The following TMEM50B variants were observed in gnomAD, a reference collection of about 807,000 sequenced individuals.
The protein encoded by TMEM50B is transmembrane protein 50B.
Under a neutral mutation model 23.4 loss-of-function variants are expected in TMEM50B, and 14 were observed. The observed-to-expected ratio is 0.60, with a 90% CI of 0.39 to 0.93. The LOEUF (loss-of-function observed/expected upper bound fraction) is 0.93. Ranked by LOEUF, TMEM50B falls within the 40% of genes least tolerant of loss-of-function variation. The pLI, the probability that TMEM50B is intolerant of heterozygous loss-of-function variation, is 0.00. For missense variants in TMEM50B, 159 were observed against 193.0 expected (o/e 0.82, Z 1.04); for synonymous variants, 64 against 62.3 (o/e 1.03, Z -0.13).
chr21:33,437,954 G>A (rs1270173569), intron 8 of TMEM50B, among the ~76,000 whole-genome samples: 2 of 149,704 alleles, frequency 1.3e-5, no homozygotes, highest in South Asian at 2.1e-4. Context: ...CTGCACTCCA[G>A]CGTGGGAGGC....
chr21:33,464,889 G>C (rs1373356237), intron 4 of TMEM50B: 1 of 150,910 alleles, frequency 6.6e-6, no homozygotes, highest in Non-Finnish European at 1.5e-5. Flanking sequence ...TAGACAAATA[G>C]CATCTTTCTA....
chr21:33,462,120 T>C (rs1029152577), intron 4 of TMEM50B, among the ~76,000 whole-genome samples: 3 of 152,158 alleles, frequency 2.0e-5, no homozygotes, highest in Non-Finnish European at 4.4e-5. Context: ...TCCTGTTCTT[T>C]TTTATAGTTT....
chr21:33,465,291 T>C (rs1157445707), intron 4 of TMEM50B, 51 bp downstream of exon 4: 2 of 1,416,848 alleles, frequency 1.4e-6, no homozygotes, highest in African/African-American at 1.4e-5. Flanking sequence ...TTTTTTCTGG[T>C]GACAAATTTC....
At chr21:33,445,100 A>G (rs2084041369), downstream of TMEM50B, among the ~76,000 whole-genome samples, 1 of 151,594 alleles carries the variant, frequency 6.6e-6, no homozygotes. Flanking sequence ...AAAAAAAAAA[A>G]ACCAGAAACT....
At chr21:33,477,127 C>A (rs1169163670) in intron 1 of TMEM50B, among the ~76,000 whole-genome samples, 2 of 151,936 alleles carry the variant, frequency 1.3e-5, no homozygotes, top group Non-Finnish European at 2.9e-5. Flanking sequence ...ATGAGAAACC[C>A]GTCTCTACAA....
chr21:33,472,587 A>T (rs886830070), intron 1 of TMEM50B, among the ~76,000 whole-genome samples: 1 of 152,066 alleles, frequency 6.6e-6, no homozygotes, highest in Non-Finnish European at 1.5e-5. Context: ...TGAAAAAAAT[A>T]ATAGATGGGC....
rs2083971092 is a variant in TMEM50B, at chr21:33,437,712, A to G, written c.*2120+1502T>C. On this transcript the variant is annotated intron_variant and NMD_transcript_variant, in intron 8 of 8. Transcript: ENST00000420455. The stretch of plus-strand genomic sequence containing the variant: ...TATAAAGAAGGCCAGGGCCTAGTGC[A>G]GTGGCCCACGCCTATAATCCCAGCA... 8.5e-5 allele frequency among the ~76,000 whole-genome samples: 13 copies of G among 152,318 alleles called. No homozygotes were observed. The South Asian group carries it at 2.5e-3, about 29-fold the overall frequency.
At chr21:33,458,922 G>A (rs2123431017) in intron 5 of TMEM50B, among the ~76,000 whole-genome samples, 1 of 152,256 alleles carries the variant, frequency 6.6e-6, no homozygotes, top group East Asian at 1.9e-4. Flanking sequence ...TTTGTATCAA[G>A]TGAAAGACAA....
chr21:33,432,605 C>T (rs2083899905), exon 9 of TMEM50B: 1 of 1,254,028 alleles, frequency 8.0e-7, no homozygotes, highest in African/African-American at 1.5e-5. Context: ...GGGACTTGCC[C>T]ATTTTACTAG....
chr21:33,476,348 A>G (rs907079121), intron 1 of TMEM50B, among the ~76,000 whole-genome samples: 1 of 152,136 alleles, frequency 6.6e-6, no homozygotes, highest in Non-Finnish European at 1.5e-5. Context: ...ACGCCATTGC[A>G]CTCCAGCTTG....
At chr21:33,443,427 C>A (rs1197855985) in intron 7 of TMEM50B, among the ~76,000 whole-genome samples, 1 of 152,186 alleles carries the variant, frequency 6.6e-6, no homozygotes, top group Admixed American at 6.5e-5. Context: ...ACCGCACAAC[C>A]CCACAGGTGC....
intron 8 of TMEM50B, among the ~76,000 whole-genome samples, chr21:33,436,169 C>G (rs903932639): frequency 0.023 from 2 of 88 alleles, no homozygotes; most frequent in Non-Finnish European, 0.053. Context: ...ACAGCCTGAC[C>G]AACATGGGAA....
intron 4 of TMEM50B, among the ~76,000 whole-genome samples, chr21:33,460,861 A>G (rs1265161741): frequency 6.6e-6 from 1 of 152,236 alleles, no homozygotes; most frequent in African/African-American, 2.4e-5. Flanking sequence ...AGAGACTTCA[A>G]ATGAAGAAGG....
chr21:33,477,061 G>A (rs930700200), intron 1 of TMEM50B, among the ~76,000 whole-genome samples: 20 of 152,148 alleles, frequency 1.3e-4, no homozygotes, highest in Non-Finnish European at 5.9e-5. Context: ...AGCACTTTGA[G>A]AGGCTGAGGC....
intron 5 of TMEM50B, among the ~76,000 whole-genome samples, chr21:33,457,792 T>C (rs765601129): frequency 2.6e-5 from 4 of 152,102 alleles, no homozygotes; most frequent in South Asian, 2.1e-4. Flanking sequence ...ACTGCTAAAG[T>C]AAATAAGCAG....
intron 8 of TMEM50B, among the ~76,000 whole-genome samples, chr21:33,436,107 CA>C (rs1272821187): frequency 2.0e-5 from 3 of 151,532 alleles, no homozygotes; most frequent in Non-Finnish European, 4.4e-5. Context: ...CCTGCAATCC[CA>C]GCACTTTGGG....
chr21:33,438,045 G>T (rs920998920), intron 8 of TMEM50B, among the ~76,000 whole-genome samples: 2 of 151,586 alleles, frequency 1.3e-5, no homozygotes, highest in African/African-American at 4.8e-5. Flanking sequence ...AGCACTTTGG[G>T]AGGTCAAGAT....
chr21:33,436,851 C>A, intron 8 of TMEM50B: 1 of 1,614,086 alleles, frequency 6.2e-7, no homozygotes, highest in South Asian at 1.1e-5. Context: ...CAACTCAGCC[C>A]ATCTTAGAGG....
chr21:33,477,566 G>T (rs1286039100), intron 1 of TMEM50B, among the ~76,000 whole-genome samples: 1 of 151,332 alleles, frequency 6.6e-6, no homozygotes, highest in Non-Finnish European at 1.5e-5. Flanking sequence ...GCTAGGTACG[G>T]TGGCTCACGT....
Sources: gnomAD v4.1 joint callset for allele counts (sites outside exome capture counted in the v4.1 genomes callset) on GRCh38, gnomAD v4.1.1 for gene constraint, MANE v1.5 for transcripts, NCBI Gene and HGNC (gene_info 2026-07-23, HGNC 2026-07-21) for gene names.